SPATA13: variants seen among roughly 807,000 people sequenced by gnomAD.
SPATA13 encodes the protein spermatogenesis-associated protein 13.
SPATA13 carries 50 observed loss-of-function variants against 104.0 expected under a neutral mutation model. The observed-to-expected ratio is 0.48, with a 90% CI of 0.38 to 0.61. SPATA13 has a LOEUF of 0.61. SPATA13 is among the 20% of genes least tolerant of loss of function. The pLI is 0.00. For synonymous variants in SPATA13, 606 were observed against 667.5 expected (o/e 0.91, Z 1.42); for missense variants, 1,524 against 1,690.6 (o/e 0.90, Z 1.73).
At chr13:24,039,323 T>A (rs9507224) in intron 3 of SPATA13, among the ~76,000 whole-genome samples, 11,651 of 152,270 alleles carry the variant, frequency 0.077, 504 homozygotes, top group Middle Eastern at 0.16. Context: ...CAGCTCTACC[T>A]TGCAGACTTT....
At chr13:24,037,943 G>A (rs577100744) in intron 3 of SPATA13, among the ~76,000 whole-genome samples, 3 of 151,112 alleles carry the variant, frequency 2.0e-5, no homozygotes, top group African/African-American at 4.9e-5. Flanking sequence ...ATGGAGTCTC[G>A]CTCTGTCACC....
intron 1 of SPATA13, among the ~76,000 whole-genome samples, chr13:24,219,400 T>C (rs1012828908): frequency 2.6e-5 from 4 of 152,240 alleles, no homozygotes; most frequent in Non-Finnish European, 5.9e-5. Flanking sequence ...TTTGCATGTG[T>C]TTTATGAAAT....
At chr13:24,007,294 G>A (rs940863787) in intron 2 of SPATA13, among the ~76,000 whole-genome samples, 10 of 152,198 alleles carry the variant, frequency 6.6e-5, no homozygotes, top group African/African-American at 2.4e-4. Context: ...GCCACTGCTT[G>A]CATCTTTGAG....
chr13:23,983,895 T>C, exon 2 of SPATA13: 1 of 985,502 alleles, frequency 1.0e-6, no homozygotes. Flanking sequence ...ACCGTGCAGA[T>C]GGCAAAGCGT....
intron 4 of SPATA13, among the ~76,000 whole-genome samples, chr13:24,256,123 G>A (rs1222104298): frequency 3.9e-5 from 6 of 152,186 alleles, no homozygotes. Flanking sequence ...GGTATTATCT[G>A]CTTTTGTGTG....
At chr13:24,181,675 C>T (rs1295743729) in intron 1 of SPATA13, among the ~76,000 whole-genome samples, 6 of 152,054 alleles carry the variant, frequency 3.9e-5, no homozygotes, top group South Asian at 2.1e-4. Flanking sequence ...GGAAGTAACA[C>T]GCATAGAGCT....
At chr13:24,271,257 TGG>T (rs1874589751) in intron 4 of SPATA13, among the ~76,000 whole-genome samples, 1 of 152,112 alleles carries the variant, frequency 6.6e-6, no homozygotes, top group Non-Finnish European at 1.5e-5. Context: ...GGAAGGGGTC[TGG>T]GTTTTGCTGC....
intron 3 of SPATA13, among the ~76,000 whole-genome samples, chr13:24,149,750 T>C (rs906108952): frequency 2.5e-4 from 38 of 152,342 alleles, no homozygotes; most frequent in Non-Finnish European, 4.6e-4. Context: ...ACAAAGGCCC[T>C]GCGGGGCGGA....
At chr13:23,996,154 C>T (rs1327705844) in intron 2 of SPATA13, among the ~76,000 whole-genome samples, 4 of 152,132 alleles carry the variant, frequency 2.6e-5, no homozygotes, top group Non-Finnish European at 5.9e-5. Flanking sequence ...GGATTATTAT[C>T]TCATATTTCA....
intron 2 of SPATA13, among the ~76,000 whole-genome samples, chr13:24,231,536 G>A (rs950202042): frequency 3.3e-4 from 50 of 152,254 alleles, no homozygotes; most frequent in African/African-American, 1.1e-3. Context: ...CTGCCTTTTT[G>A]CTATTATGAG....
At chr13:23,989,763 G>A (rs1409380462) in intron 2 of SPATA13, among the ~76,000 whole-genome samples, 1 of 152,194 alleles carries the variant, frequency 6.6e-6, no homozygotes, top group Non-Finnish European at 1.5e-5. Flanking sequence ...CAATGTGATG[G>A]TATCAGAAGT....
chr13:24,186,374 A>G (rs547850029), intron 1 of SPATA13, among the ~76,000 whole-genome samples: 1 of 152,186 alleles, frequency 6.6e-6, no homozygotes, highest in Non-Finnish European at 1.5e-5. Flanking sequence ...GAGGTTTACG[A>G]TATGTCAGGG....
intron 3 of SPATA13, among the ~76,000 whole-genome samples, chr13:24,096,294 T>TAATAGAA (rs1880082018): frequency 6.6e-6 from 1 of 152,164 alleles, no homozygotes. Flanking sequence ...AAGAGTGTTA[T>TAATAGAA]AATAGAAAAT....
chr13:24,108,944 GCTCT>G (rs1055925205), intron 3 of SPATA13, among the ~76,000 whole-genome samples: 13 of 152,140 alleles, frequency 8.5e-5, no homozygotes, highest in Admixed American at 2.0e-4. Flanking sequence ...CCACACTCCA[GCTCT>G]CTCTTTTATT....
intron 1 of SPATA13, among the ~76,000 whole-genome samples, chr13:24,173,342 A>T (rs1883065018): frequency 6.9e-6 from 1 of 144,474 alleles, no homozygotes; most frequent in Admixed American, 7.0e-5. Context: ...ACCTTGTGGA[A>T]CTCACTCATT....
At chr13:24,029,430 T>G (rs1161361443) in intron 3 of SPATA13, among the ~76,000 whole-genome samples, 1 of 152,218 alleles carries the variant, frequency 6.6e-6, no homozygotes, top group African/African-American at 2.4e-5. Flanking sequence ...TAGCCACAGA[T>G]TCTCAGGAGT....
At chr13:24,104,520 C>T (rs1218610797) in intron 3 of SPATA13, among the ~76,000 whole-genome samples, 4 of 152,148 alleles carry the variant, frequency 2.6e-5, no homozygotes, top group Non-Finnish European at 5.9e-5. Context: ...TCTTCATCTT[C>T]GTGGATAGAT....
intron 2 of SPATA13, among the ~76,000 whole-genome samples, chr13:23,997,999 G>A (rs1384399953): frequency 6.6e-6 from 1 of 152,146 alleles, no homozygotes; most frequent in East Asian, 1.9e-4. Context: ...TTCTGGTCTT[G>A]GGCTATGATG....
chr13:24,253,971 A>G (rs1478178262), intron 4 of SPATA13, among the ~76,000 whole-genome samples: 2 of 152,118 alleles, frequency 1.3e-5, no homozygotes, highest in Admixed American at 6.5e-5. Flanking sequence ...GTGTGAAGCC[A>G]TTGGCAGCAG....
Sources: gnomAD v4.1 joint callset for allele counts (sites outside exome capture counted in the v4.1 genomes callset) on GRCh38, gnomAD v4.1.1 for gene constraint, MANE v1.5 for transcripts, NCBI Gene and HGNC (gene_info 2026-07-23, HGNC 2026-07-21) for gene names.